Variants in C2CD5 observed in about 807,000 individuals in gnomAD.
C2CD5 encodes C2 domain-containing protein 5.
C2CD5 carries 109 observed loss-of-function variants against 130.3 expected under a neutral mutation model. The observed-to-expected ratio is 0.84, with a 90% CI of 0.72 to 0.98. The LOEUF (loss-of-function observed/expected upper bound fraction) is 0.98, where lower values mean the gene tolerates loss of function less well. Ranked by LOEUF, C2CD5 falls within the 50% of genes least tolerant of loss-of-function variation. The pLI, the probability that C2CD5 is intolerant of heterozygous loss-of-function variation, is 0.00. For synonymous variants in C2CD5, 454 were observed against 429.2 expected, an observed-to-expected ratio of 1.06 and a Z score of -0.71; for missense variants, 996 against 1,261.8, an observed-to-expected ratio of 0.79 and a Z score of 3.19.
rs1436692119 is a variant in C2CD5, at chr12:22,471,300, GTA to G, written c.2358+97_2358+98del. ...TTTTTTAATATTGTGAGGTAAACTA[GTA>G]TATGTTTATTTAATTACGGCAAAAT... On this transcript the variant is annotated intron_variant, in intron 20 of 26. Transcript: ENST00000446597. 5.2e-5 allele frequency: 36 copies of G among 693,152 alleles called. No homozygotes were observed. In the Middle Eastern group the frequency reaches 1.1e-3, roughly 21 times the overall value. The allele number at this position is 693,152 out of a possible 1,614,324, so 42.9% of individuals were successfully genotyped here.
At chr12:22,457,230 C>A (rs975947273) in intron 24 of C2CD5, 69 bp from the exon 25 acceptor site, 2 of 1,098,974 alleles carry the variant, frequency 1.8e-6, no homozygotes, top group African/African-American at 3.3e-5. Context: ...CCTGAGGTTT[C>A]CAAATAAGTG....
At chr12:22,537,704 T>C (rs532356748) in intron 2 of C2CD5, among the ~76,000 whole-genome samples, 36 of 152,282 alleles carry the variant, frequency 2.4e-4, no homozygotes, top group African/African-American at 7.9e-4. Context: ...AAAAGTGGGA[T>C]TGTAAGTGAG....
intron 5 of C2CD5, among the ~76,000 whole-genome samples, chr12:22,524,994 T>G (rs1402441333): frequency 6.6e-6 from 1 of 152,218 alleles, no homozygotes; most frequent in Non-Finnish European, 1.5e-5. Context: ...ATAATGAATT[T>G]TTTTAAATCT....
chr12:22,464,293 T>C (rs1428338634), intron 22 of C2CD5, among the ~76,000 whole-genome samples: 1 of 152,250 alleles, frequency 6.6e-6, no homozygotes, highest in Non-Finnish European at 1.5e-5. Context: ...TACGACATTC[T>C]AAACCACTTG....
chr12:22,503,628 A>C (rs1474746005), intron 10 of C2CD5, among the ~76,000 whole-genome samples: 1 of 152,080 alleles, frequency 6.6e-6, no homozygotes, highest in African/African-American at 2.4e-5. Context: ...CTCCTGCCTC[A>C]GCCTCCCAAG....
chr12:22,532,660 C>T (rs771001962), intron 3 of C2CD5, among the ~76,000 whole-genome samples: 4 of 152,206 alleles, frequency 2.6e-5, no homozygotes, highest in Non-Finnish European at 5.9e-5. Context: ...AAAGCAGCGC[C>T]TAAAAATCGT....
Position 22,490,259 on chromosome 12 carries a change from C to A in C2CD5, c.1263-41G>T, listed in dbSNP as rs753778895. 8.6e-6 allele frequency: 12 copies of A among 1,401,658 alleles called. No individual in the cohort carries two copies. In the Admixed American group the frequency reaches 1.9e-4, roughly 22 times the overall value. 86.8% of individuals were successfully genotyped at this position (1,401,658 alleles called of 1,614,324 possible). A position where few individuals can be genotyped will look rare whatever the true frequency, so the allele number is the denominator to read the frequency against. On this transcript the variant is annotated intron_variant, in intron 11 of 26. Coordinates refer to ENST00000446597, the MANE Select transcript of C2CD5 (RefSeq NM_001286176.2). Reference sequence around the variant, plus strand: ...CACAAACAAGTTAACATTTTTCAGACCGTATAACTTTGGGAAATGCTAAAT... The same window carrying A: ...CACAAACAAGTTAACATTTTTCAGAACGTATAACTTTGGGAAATGCTAAAT...
intron 7 of C2CD5, among the ~76,000 whole-genome samples, chr12:22,521,058 C>A (rs558406453): frequency 6.6e-6 from 1 of 152,156 alleles, no homozygotes; most frequent in South Asian, 2.1e-4. Flanking sequence ...ATTAATATTC[C>A]TTTCCAGTCA....
intron 10 of C2CD5, chr12:22,502,663 A>G (rs887943489): frequency 2.6e-6 from 2 of 760,364 alleles, no homozygotes; most frequent in East Asian, 5.4e-5. Context: ...TACTTCATCT[A>G]GAACATTTCT....
At chr12:22,516,859 G>A (rs749050633) in intron 8 of C2CD5, among the ~76,000 whole-genome samples, 6 of 151,574 alleles carry the variant, frequency 4.0e-5, no homozygotes, top group Non-Finnish European at 8.9e-5. Context: ...CATTTTTATG[G>A]CATAAACCTC....
intron 10 of C2CD5, chr12:22,497,513 T>A (rs940933636): frequency 2.7e-6 from 1 of 363,708 alleles, no homozygotes; most frequent in African/African-American, 2.2e-5. Flanking sequence ...TTGGATCAAA[T>A]AAAGGTTAAT....
At chr12:22,460,882 A>G (rs1312233922) in intron 22 of C2CD5, among the ~76,000 whole-genome samples, 2 of 152,076 alleles carry the variant, frequency 1.3e-5, no homozygotes, top group Non-Finnish European at 2.9e-5. Flanking sequence ...CCTGGCCCAC[A>G]GTTTTCATAA....
At chr12:22,452,479 A>C (rs551989249) in intron 26 of C2CD5, among the ~76,000 whole-genome samples, 41 of 152,240 alleles carry the variant, frequency 2.7e-4, no homozygotes, top group African/African-American at 9.6e-4. Context: ...CTAGCTGCGA[A>C]TCCAGAACTG....
At chr12:22,514,394 G>C in intron 8 of C2CD5, among the ~76,000 whole-genome samples, 1 of 152,040 alleles carries the variant, frequency 6.6e-6, no homozygotes, top group East Asian at 1.9e-4. Context: ...ATTATTTTTA[G>C]AGACTATACA....
chr12:22,517,031 A>C (rs1949795713), intron 8 of C2CD5, among the ~76,000 whole-genome samples: 1 of 151,920 alleles, frequency 6.6e-6, no homozygotes, highest in South Asian at 2.1e-4. Context: ...ACAGAAATTA[A>C]ATCTATAGGC....
At chr12:22,486,164 TTTTTAAAACCAGGCTTGA>T (rs1187283067) in intron 12 of C2CD5, among the ~76,000 whole-genome samples, 35 of 150,526 alleles carry the variant, frequency 2.3e-4, no homozygotes, top group African/African-American at 8.7e-4. Context: ...TTATCCTGTC[TTTTTAAAACCAGGCTTGA>T]ATGGAAAAAA....
intron 2 of C2CD5, among the ~76,000 whole-genome samples, chr12:22,543,666 G>A (rs905255044): frequency 2.6e-5 from 4 of 152,120 alleles, no homozygotes; most frequent in African/African-American, 7.2e-5. Context: ...TGAGTGGCAG[G>A]TGGCCTGTTA....
intron 2 of C2CD5, 62 bp downstream of exon 2, chr12:22,543,999 G>A (rs962982850): frequency 8.7e-6 from 11 of 1,262,864 alleles, no homozygotes; most frequent in Middle Eastern, 1.8e-4. Flanking sequence ...GGGGCGAGGT[G>A]GGTAGATCCT....
intron 15 of C2CD5, among the ~76,000 whole-genome samples, chr12:22,477,088 C>T (rs1943952440): frequency 6.6e-6 from 1 of 152,048 alleles, no homozygotes; most frequent in African/African-American, 2.4e-5. Context: ...AAGCAAGCCA[C>T]ATACATAATA....
Sources: allele counts gnomAD v4.1 joint callset (sites outside exome capture counted in the v4.1 genomes callset), GRCh38; gene constraint gnomAD v4.1.1; transcripts MANE v1.5; gene names NCBI Gene and HGNC (gene_info 2026-07-23, HGNC 2026-07-21).